Variants in MAST4 observed in about 807,000 individuals in gnomAD.
The protein encoded by MAST4 is microtubule-associated serine/threonine-protein kinase 4.
A neutral mutation model predicts 162.7 loss-of-function variants in MAST4; 89 were observed. The ratio of observed to expected loss-of-function variants is 0.55; its 90% CI spans 0.46 to 0.65. The LOEUF (loss-of-function observed/expected upper bound fraction) is 0.65, where lower values mean the gene tolerates loss of function less well. Ranked by LOEUF, MAST4 falls within the 30% of genes least tolerant of loss-of-function variation. The pLI is 0.00. For missense variants in MAST4, 3,153 were observed against 3,374.0 expected, an observed-to-expected ratio of 0.93 and a Z score of 1.62; for synonymous variants, 1,479 against 1,361.1, an observed-to-expected ratio of 1.09 and a Z score of -1.91.
At chr5:66,902,706 T>C (rs767554508) in intron 4 of MAST4, 5 of 470,316 alleles carry the variant, frequency 1.1e-5, no homozygotes, top group African/African-American at 2.0e-5. Context: ...GAAACTGCTT[T>C]CTAGGCAAGA....
intron 3 of MAST4, among the ~76,000 whole-genome samples, chr5:66,878,906 C>G (rs1761486367): frequency 6.6e-6 from 1 of 152,160 alleles, no homozygotes; most frequent in African/African-American, 2.4e-5. Flanking sequence ...GCAAAGGAAA[C>G]AAATGAACAG....
intron 1 of MAST4, among the ~76,000 whole-genome samples, chr5:66,601,730 A>T (rs537294717): frequency 6.6e-6 from 1 of 152,252 alleles, no homozygotes; most frequent in East Asian, 1.9e-4. Flanking sequence ...TTTGATAGAG[A>T]AGCAGCAGCC....
At chr5:67,080,324 T>A (rs1375960921) in intron 5 of MAST4, among the ~76,000 whole-genome samples, 1 of 152,218 alleles carries the variant, frequency 6.6e-6, no homozygotes, top group African/African-American at 2.4e-5. Flanking sequence ...AAAGACCCTG[T>A]CATGTTCTTT....
intron 4 of MAST4, among the ~76,000 whole-genome samples, chr5:67,015,100 A>G (rs1392491244): frequency 1.3e-5 from 2 of 152,208 alleles, no homozygotes; most frequent in African/African-American, 4.8e-5. Context: ...ACTGATAAAC[A>G]TATTCAGAAA....
At chr5:66,845,126 T>TATATATACACACACACACAC (rs1358855625) in intron 3 of MAST4, among the ~76,000 whole-genome samples, 3 of 67,170 alleles carry the variant, frequency 4.5e-5, no homozygotes, top group African/African-American at 1.7e-4. Flanking sequence ...TATATATATA[T>TATATATACACACACACACAC]ACACACACAC....
intron 2 of MAST4, among the ~76,000 whole-genome samples, chr5:66,769,708 C>A (rs1237610205): frequency 1.3e-5 from 2 of 152,204 alleles, no homozygotes; most frequent in Non-Finnish European, 2.9e-5. Context: ...TGTTACAGGA[C>A]CGCCCTCCTA....
intron 3 of MAST4, among the ~76,000 whole-genome samples, chr5:66,858,532 T>A (rs1006621069): frequency 6.6e-6 from 1 of 152,216 alleles, no homozygotes; most frequent in Non-Finnish European, 1.5e-5. Context: ...CTTGCCCCAG[T>A]CTATTTATTC....
At chr5:67,038,489 G>A (rs1425412092) in intron 4 of MAST4, among the ~76,000 whole-genome samples, 1 of 152,128 alleles carries the variant, frequency 6.6e-6, no homozygotes, top group African/African-American at 2.4e-5. Flanking sequence ...TTTTGGTGGA[G>A]TAACGTGGCT....
At chr5:66,791,732 A>G (rs1263717752) in intron 3 of MAST4, among the ~76,000 whole-genome samples, 2 of 152,212 alleles carry the variant, frequency 1.3e-5, no homozygotes, top group Admixed American at 6.5e-5. Context: ...TTAGTCATTT[A>G]CTACTAGATA....
chr5:67,160,791 A>G (rs1206033657), intron 27 of MAST4, among the ~76,000 whole-genome samples, 199 bp downstream of exon 27: 1 of 152,194 alleles, frequency 6.6e-6, no homozygotes, highest in Non-Finnish European at 1.5e-5. Context: ...ACATATTTAC[A>G]TTGTGGAAGG....
At chr5:67,143,323 C>T (rs1461142677) in intron 21 of MAST4, among the ~76,000 whole-genome samples, 2 of 150,046 alleles carry the variant, frequency 1.3e-5, no homozygotes, top group Non-Finnish European at 3.0e-5. Context: ...AATTATAAGC[C>T]ATATTGAAAA....
chr5:66,822,905 A>G (rs1345372010), intron 3 of MAST4, among the ~76,000 whole-genome samples: 6 of 152,158 alleles, frequency 3.9e-5, no homozygotes, highest in Non-Finnish European at 4.4e-5. Context: ...CAAGGTTGGT[A>G]TCTTATCCCA....
At chr5:66,717,882 C>A (rs999513561) in intron 1 of MAST4, among the ~76,000 whole-genome samples, 2 of 152,176 alleles carry the variant, frequency 1.3e-5, no homozygotes, top group African/African-American at 4.8e-5. Context: ...TTAGGCATAG[C>A]CCTGCTCACT....
intron 1 of MAST4, among the ~76,000 whole-genome samples, chr5:66,758,880 G>A (rs899683189): frequency 1.3e-5 from 2 of 152,082 alleles, no homozygotes; most frequent in Non-Finnish European, 2.9e-5. Context: ...AAGTATGTAG[G>A]TGTATATGAA....
At chr5:66,787,926 T>G (rs1755190472) in intron 2 of MAST4, among the ~76,000 whole-genome samples, 1 of 152,204 alleles carries the variant, frequency 6.6e-6, no homozygotes, top group African/African-American at 2.4e-5. Flanking sequence ...TCCATCCTAA[T>G]TTTCCTGAAG....
intron 1 of MAST4, among the ~76,000 whole-genome samples, chr5:66,684,985 G>A (rs1748553726): frequency 6.6e-6 from 1 of 152,214 alleles, no homozygotes; most frequent in Non-Finnish European, 1.5e-5. Flanking sequence ...TAGCTGGCCA[G>A]GTGGGGTGGC....
chr5:67,009,663 G>A (rs543954538), intron 4 of MAST4, among the ~76,000 whole-genome samples: 1 of 152,322 alleles, frequency 6.6e-6, no homozygotes, highest in Admixed American at 6.5e-5. Context: ...TATTACTGCT[G>A]TCATTACAAA....
rs924293986 is a variant in MAST4 at position 66,673,305 on chromosome 5, A to G, written c.363+76287A>G. On this transcript the variant is annotated intron_variant, in intron 1 of 28. Transcript: ENST00000403625. ...AGAAATTCTAAAGTTTCGTGTTATTATAGTCATCAGTTTTATTGTTTTTTT... is the reference window on the plus strand; with the variant it reads ...AGAAATTCTAAAGTTTCGTGTTATTGTAGTCATCAGTTTTATTGTTTTTTT... Among the ~76,000 whole-genome samples, 6 of 152,114 alleles carry G rather than the reference A, an allele frequency of 3.9e-5. 1 individual carries two copies. The highest frequency in any genetic ancestry group is 1.3e-4 in the Admixed American group (2 of 15,276).
intron 3 of MAST4, among the ~76,000 whole-genome samples, chr5:66,819,361 T>G (rs192030370): frequency 7.5e-4 from 114 of 152,354 alleles, no homozygotes; most frequent in African/African-American, 2.5e-3. Flanking sequence ...TGGCTATGTG[T>G]GTGTAATGCA....
Sources: allele counts gnomAD v4.1 joint callset (sites outside exome capture counted in the v4.1 genomes callset), GRCh38; gene constraint gnomAD v4.1.1; transcripts MANE v1.5; gene names NCBI Gene and HGNC (gene_info 2026-07-23, HGNC 2026-07-21).